The following DPP10 variants were observed in gnomAD, a reference collection of about 807,000 sequenced individuals.
DPP10 encodes inactive dipeptidyl peptidase 10.
DPP10 carries 33 observed loss-of-function variants against 120.9 expected under a neutral mutation model. The observed-to-expected ratio is 0.27, with a 90% CI of 0.21 to 0.37. The LOEUF (loss-of-function observed/expected upper bound fraction) is 0.37, where lower values mean the gene tolerates loss of function less well. Ranked by LOEUF, DPP10 falls within the 10% of genes least tolerant of loss-of-function variation. The probability of loss-of-function intolerance (pLI) is 1.00; values close to 1 mark genes in which losing one functional copy is unlikely to be tolerated. For missense variants in DPP10, 816 were observed against 942.8 expected (o/e 0.87, Z 1.76); for synonymous variants, 337 against 326.1 (o/e 1.03, Z -0.36).
intron 3 of DPP10, among the ~76,000 whole-genome samples, chr2:115,388,162 A>G (rs952938756): frequency 1.3e-5 from 2 of 152,238 alleles, no homozygotes; most frequent in African/African-American, 2.4e-5. Flanking sequence ...GTGGGAATGC[A>G]TGTAGTCTAC....
chr2:114,712,092 G>T (rs1330127801), intron 1 of DPP10, among the ~76,000 whole-genome samples: 1 of 152,084 alleles, frequency 6.6e-6, no homozygotes, highest in Non-Finnish European at 1.5e-5. Context: ...GGCCAAGGTG[G>T]GCGGATCACC....
intron 1 of DPP10, chr2:115,162,006 G>A: frequency 7.2e-7 from 1 of 1,385,302 alleles, no homozygotes; most frequent in South Asian, 1.7e-5. Context: ...GCCAGGGCGA[G>A]CCAGGCGCAG....
At position 115,130,517 on chromosome 2, in the gene DPP10, C is replaced by T. The variant is rs905315476; in HGVS notation, c.61-178722C>T. Reference sequence around the variant, plus strand: ...CCATCCATCTATCCATCCATCCATCCATCCATCCATCCATCCATCCATCCA... The same window carrying T: ...CCATCCATCTATCCATCCATCCATCTATCCATCCATCCATCCATCCATCCA... On this transcript the variant is annotated intron_variant, in intron 1 of 25. Coordinates refer to ENST00000410059, the MANE Select transcript of DPP10 (RefSeq NM_020868.6). Among the ~76,000 whole-genome samples the T allele has an allele frequency of 3.3e-5, 5 of 151,502 alleles. No individual in the cohort carries two copies. In the East Asian group the frequency reaches 7.8e-4, roughly 24 times the overall value.
intron 7 of DPP10, among the ~76,000 whole-genome samples, chr2:115,695,404 G>A (rs1038802438): frequency 6.6e-6 from 1 of 152,110 alleles, no homozygotes; most frequent in Admixed American, 6.6e-5. Flanking sequence ...AAGGAAATAG[G>A]TTTAATGGAC....
Position 114,499,590 on chromosome 2 carries a change from G to T in DPP10, c.60+56752G>T, listed in dbSNP as rs150093443. Among the ~76,000 whole-genome samples the T allele has an allele frequency of 2.4e-3, 358 of 150,916 alleles. 2 individuals carry two copies. Among genetic ancestry groups the T allele is most frequent in the Middle Eastern group, 0.01 (3 of 294 alleles). On this transcript the variant is annotated intron_variant, in intron 1 of 25. Coordinates refer to ENST00000410059, the MANE Select transcript of DPP10 (RefSeq NM_020868.6). ...TGCAAAGGCTTTTTTTTTTTTCTGG[G>T]TTAAGAGCAGGGACTGGGCTGTGAA...
chr2:114,767,840 G>A (rs572164000), intron 1 of DPP10, among the ~76,000 whole-genome samples: 1 of 152,148 alleles, frequency 6.6e-6, no homozygotes, highest in African/African-American at 2.4e-5. Flanking sequence ...TCTCAGAGAG[G>A]CCGAGCATGG....
chr2:115,123,285 T>G (rs1328039172), intron 1 of DPP10, among the ~76,000 whole-genome samples: 2 of 152,128 alleles, frequency 1.3e-5, no homozygotes, highest in African/African-American at 2.4e-5. Context: ...GTAGGTGACT[T>G]GAGAGATCCT....
rs557470750 is a variant in DPP10 at position 115,787,170 on chromosome 2, A to G, written c.1532-3911A>G. Among the ~76,000 whole-genome samples, 4 of 152,354 alleles carry G rather than the reference A, an allele frequency of 2.6e-5. No individual in the cohort carries two copies. The South Asian group carries it at 8.3e-4, about 32-fold the overall frequency. On this transcript the variant is annotated intron_variant, in intron 17 of 25. Coordinates refer to ENST00000410059, the MANE Select transcript of DPP10 (RefSeq NM_020868.6). ...GTCCAACAATTGTTAGAAGATCACA[A>G]CAAAACCCAGGCTTTCAAAATGTAA...
At chr2:115,204,568 AT>A (rs2055985302) in intron 1 of DPP10, among the ~76,000 whole-genome samples, 1 of 152,148 alleles carries the variant, frequency 6.6e-6, no homozygotes, top group Admixed American at 6.5e-5. Flanking sequence ...TACCACCCTC[AT>A]TTTAGAAATG....
intron 17 of DPP10, among the ~76,000 whole-genome samples, chr2:115,782,991 A>G (rs1682950479): frequency 6.6e-6 from 1 of 152,126 alleles, no homozygotes; most frequent in African/African-American, 2.4e-5. Context: ...AAGTAGATAA[A>G]TAAATGCATG....
At chr2:114,859,160 C>T (rs2106520310) in intron 1 of DPP10, among the ~76,000 whole-genome samples, 1 of 150,414 alleles carries the variant, frequency 6.6e-6, no homozygotes, top group Non-Finnish European at 1.5e-5. Context: ...AACTCTGTCT[C>T]TACTTAAAAA....
chr2:114,956,219 T>C (rs896059235), intron 1 of DPP10, among the ~76,000 whole-genome samples: 3 of 152,002 alleles, frequency 2.0e-5, no homozygotes, highest in Non-Finnish European at 4.4e-5. Context: ...CACAAAACCG[T>C]CAGAACTAGT....
At chr2:115,164,046 C>T (rs778884032) in intron 1 of DPP10, among the ~76,000 whole-genome samples, 1 of 152,050 alleles carries the variant, frequency 6.6e-6, no homozygotes, top group Non-Finnish European at 1.5e-5. Flanking sequence ...TTGCAGAACT[C>T]TTGTTTTAAT....
At chr2:114,596,110 A>G (rs779273628) in intron 1 of DPP10, among the ~76,000 whole-genome samples, 9 of 151,096 alleles carry the variant, frequency 6.0e-5, no homozygotes, top group Non-Finnish European at 8.8e-5. Flanking sequence ...TGGAGCACAC[A>G]TTTAAAAATT....
intron 21 of DPP10, among the ~76,000 whole-genome samples, chr2:115,816,189 A>G (rs1687209371): frequency 6.6e-6 from 1 of 152,164 alleles, no homozygotes; most frequent in African/African-American, 2.4e-5. Context: ...GAAACAGTAA[A>G]GAGGTAAATG....
intron 1 of DPP10, among the ~76,000 whole-genome samples, chr2:114,915,258 A>G (rs977705519): frequency 3.9e-5 from 6 of 152,270 alleles, no homozygotes; most frequent in Non-Finnish European, 7.3e-5. Flanking sequence ...ATCAAAAAAG[A>G]CAAAGAAGAG....
At chr2:114,794,661 G>A (rs1299416676) in intron 1 of DPP10, among the ~76,000 whole-genome samples, 1 of 152,100 alleles carries the variant, frequency 6.6e-6, no homozygotes, top group African/African-American at 2.4e-5. Context: ...CAATACTTGA[G>A]CAAAAATTAT....
chr2:115,482,417 A>C (rs1574974724), intron 3 of DPP10, among the ~76,000 whole-genome samples: 1 of 151,952 alleles, frequency 6.6e-6, no homozygotes, highest in South Asian at 2.1e-4. Context: ...TTGCCTTTTT[A>C]AAGTGTACAA....
intron 1 of DPP10, among the ~76,000 whole-genome samples, chr2:114,518,335 C>T (rs1684775660): frequency 6.6e-6 from 1 of 152,100 alleles, no homozygotes; most frequent in Non-Finnish European, 1.5e-5. Flanking sequence ...GCCTCGGCCT[C>T]CCAACGTGCT....
Sources: allele counts gnomAD v4.1 joint callset (sites outside exome capture counted in the v4.1 genomes callset), GRCh38; gene constraint gnomAD v4.1.1; transcripts MANE v1.5; gene names NCBI Gene and HGNC (gene_info 2026-07-23, HGNC 2026-07-21).